Variants in NSF observed in about 807,000 individuals in gnomAD.
NSF encodes vesicle-fusing ATPase.
Under a neutral mutation model 50.3 loss-of-function variants are expected in NSF, and 14 were observed. That is an observed-to-expected ratio of 0.28 (90% CI 0.18 to 0.44). The LOEUF (loss-of-function observed/expected upper bound fraction) is 0.44, where lower values mean the gene tolerates loss of function less well. NSF is among the 20% of genes least tolerant of loss of function. The pLI, the probability that NSF is intolerant of heterozygous loss-of-function variation, is 1.00. For missense variants in NSF, 218 were observed against 504.3 expected (o/e 0.43, Z 5.44); for synonymous variants, 109 against 175.7 (o/e 0.62, Z 3.00).
At chr17:46,687,416 C>T (rs1178011701) in intron 9 of NSF, among the ~76,000 whole-genome samples, 1 of 151,282 alleles carries the variant, frequency 6.6e-6, no homozygotes, top group Non-Finnish European at 1.5e-5. Flanking sequence ...AAAAAAAATT[C>T]CCTTGTATCT....
At chr17:46,750,555 C>G (rs1361609268) in intron 18 of NSF, among the ~76,000 whole-genome samples, 1 of 152,158 alleles carries the variant, frequency 6.6e-6, no homozygotes, top group Non-Finnish European at 1.5e-5. Flanking sequence ...ATTAGGGATA[C>G]TCAACCTGTA....
At chr17:46,709,259 A>AT (rs2058693694) in intron 13 of NSF, among the ~76,000 whole-genome samples, 1 of 152,126 alleles carries the variant, frequency 6.6e-6, no homozygotes, top group Non-Finnish European at 1.5e-5. Context: ...TAACTCCAAG[A>AT]TTTTTTTAAC....
intron 15 of NSF, among the ~76,000 whole-genome samples, chr17:46,717,493 A>G (rs1027655563): frequency 6.6e-6 from 1 of 152,136 alleles, no homozygotes; most frequent in African/African-American, 2.4e-5. Context: ...TGGGGGGATC[A>G]TGAGGTCAGG....
chr17:46,619,796 A>C (rs1412367480), intron 1 of NSF, among the ~76,000 whole-genome samples: 1 of 75,570 alleles, frequency 1.3e-5, no homozygotes. Context: ...AAAAAAAAAA[A>C]CCCAGAAAGT....
intron 17 of NSF, among the ~76,000 whole-genome samples, chr17:46,746,373 G>A (rs2059129158): frequency 6.6e-6 from 1 of 152,180 alleles, no homozygotes. Context: ...CCCATTCTTG[G>A]CACAGCAGGT....
chr17:46,711,132 G>A lies in NSF; in HGVS notation c.1627+13G>A. 1 of 1,490,896 alleles carries A rather than the reference G, an allele frequency of 6.7e-7. No homozygotes were observed. The highest frequency in any genetic ancestry group is 8.9e-7 in the Non-Finnish European group (1 of 1,124,294). The allele number at this position is 1,490,896 out of a possible 1,614,324, so 92.4% of individuals were successfully genotyped here. A position where few individuals can be genotyped will look rare whatever the true frequency, so the allele number is the denominator to read the frequency against. On this transcript the variant is annotated intron_variant, in intron 14 of 20. Transcript: ENST00000398238. ...GTGCTTCTGGAAGGTGAGAATGAAT[G>A]AGGAGATGGCATTAAAAGTTAAAGG...
chr17:46,722,044 C>T, intron 15 of NSF: 2 of 1,604,666 alleles, frequency 1.2e-6, no homozygotes, highest in East Asian at 4.5e-5. Context: ...TATTCAGCTC[C>T]CTGAGCTGAG....
At chr17:46,721,032 G>A (rs1270195692) in intron 15 of NSF, among the ~76,000 whole-genome samples, 1 of 152,206 alleles carries the variant, frequency 6.6e-6, no homozygotes, top group Non-Finnish European at 1.5e-5. Context: ...CCAGGAGTGG[G>A]CTCTGGGACT....
chr17:46,749,243 T>C (rs2059159548), intron 17 of NSF, among the ~76,000 whole-genome samples: 1 of 152,216 alleles, frequency 6.6e-6, no homozygotes, highest in Admixed American at 6.5e-5. Flanking sequence ...TAAAAAAATA[T>C]TTTGGGGTTA....
At position 46,610,103 on chromosome 17, in the gene NSF, C is replaced by CTT. The variant is rs768352005; in HGVS notation, c.13-14140_13-14139insTT. 4.1e-5 allele frequency among the ~76,000 whole-genome samples: 3 copies of CTT among 73,368 alleles called. 1 individual carries two copies. Among genetic ancestry groups the CTT allele is most frequent in the African/African-American group, 1.2e-4 (3 of 25,598 alleles). 48.1% of individuals were successfully genotyped at this position (73,368 alleles called of 152,430 possible). On this transcript the variant is annotated intron_variant, in intron 1 of 20. Coordinates refer to ENST00000398238, the MANE Select transcript of NSF (RefSeq NM_006178.4). ...TTCTTTCTTTCTTTTCTCTCTTTCT[C>CTT]TCTCTCTCTCTCTCTCTCTCTCTTC...
intron 15 of NSF, among the ~76,000 whole-genome samples, chr17:46,718,416 G>A (rs2058795855): frequency 6.6e-6 from 1 of 152,126 alleles, no homozygotes; most frequent in Admixed American, 6.5e-5. Flanking sequence ...AATGATACAT[G>A]CTTAATGAGT....
chr17:46,733,430 C>T lies in NSF; in HGVS notation c.1908+4496C>T, dbSNP rs112528953. On this transcript the variant is annotated intron_variant, in intron 17 of 20. Transcript: ENST00000398238. Reference sequence around the variant, plus strand: ...AAATGACATGATTCCCCAGTTTCCTCAACAAGTGTGAGAGTAGTTAAGCCT... The same window carrying T: ...AAATGACATGATTCCCCAGTTTCCTTAACAAGTGTGAGAGTAGTTAAGCCT... Among the ~76,000 whole-genome samples the T allele has an allele frequency of 3.9e-5, 6 of 152,052 alleles. 1 individual carries two copies. Among genetic ancestry groups the T allele is most frequent in the Non-Finnish European group, 8.8e-5 (6 of 68,028 alleles).
At chr17:46,716,393 A>C (rs1216994599) in intron 15 of NSF, among the ~76,000 whole-genome samples, 1 of 151,872 alleles carries the variant, frequency 6.6e-6, no homozygotes, top group African/African-American at 2.4e-5. Flanking sequence ...AGTAGCTGGG[A>C]CTACAGGCAC....
intron 14 of NSF, among the ~76,000 whole-genome samples, chr17:46,712,362 G>A (rs1344608599): frequency 6.6e-6 from 1 of 152,174 alleles, no homozygotes; most frequent in Non-Finnish European, 1.5e-5. Context: ...AGATGCTGCT[G>A]TTGTCTCTAT....
intron 16 of NSF, among the ~76,000 whole-genome samples, chr17:46,726,910 G>T (rs2058895118): frequency 1.3e-5 from 2 of 152,036 alleles, no homozygotes; most frequent in Admixed American, 1.3e-4. Context: ...AATTTTCATT[G>T]ATGAGTATAT....
At chr17:46,714,338 A>T (rs755827559) in intron 15 of NSF, among the ~76,000 whole-genome samples, 3 of 152,216 alleles carry the variant, frequency 2.0e-5, no homozygotes, top group Non-Finnish European at 2.9e-5. Flanking sequence ...TTATTGTACA[A>T]AGTTGAACTC....
intron 8 of NSF, among the ~76,000 whole-genome samples, chr17:46,667,614 T>C (rs1159781415): frequency 2.2e-5 from 3 of 139,368 alleles, no homozygotes; most frequent in African/African-American, 7.7e-5. Context: ...GTGGGACTCT[T>C]AGTAATTTTT....
rs780263117 is a variant in NSF at position 46,726,606 on chromosome 17, A to C, written c.1819A>C (p.Arg607=). The part of the protein sequence containing the change: ...LSCVVVDDIE[R]LLDYVPIGPR... ...TTGTGTGGTTGTGGATGACATTGAG[A>C]GATTGCTTGGTGAGTCCTAACTTCT... The change falls in exon 16 of 21, where the codon AGA becomes CGA. Residue 607 remains arginine, a synonymous_variant. Coordinates refer to ENST00000398238, the MANE Select transcript of NSF (RefSeq NM_006178.4). 53 of 1,613,748 alleles carry C rather than the reference A, an allele frequency of 3.3e-5. No homozygotes were observed. The highest frequency in any genetic ancestry group is 3.9e-5 in the Non-Finnish European group (46 of 1,179,824).
At chr17:46,709,508 T>A (rs1484864150) in intron 13 of NSF, among the ~76,000 whole-genome samples, 9 of 151,574 alleles carry the variant, frequency 5.9e-5, no homozygotes, top group South Asian at 2.1e-4. Context: ...TTTTTTTTTT[T>A]AAATGAGATG....
Sources: allele counts gnomAD v4.1 joint callset (sites outside exome capture counted in the v4.1 genomes callset), GRCh38; gene constraint gnomAD v4.1.1; transcripts MANE v1.5; gene names NCBI Gene and HGNC (gene_info 2026-07-23, HGNC 2026-07-21).